SPAG16: variants seen among roughly 807,000 people sequenced by gnomAD.
The protein encoded by SPAG16 is sperm associated antigen 16, also known as sperm-associated antigen 16 protein.
SPAG16 carries 86 observed loss-of-function variants against 80.4 expected under a neutral mutation model. That is an observed-to-expected ratio of 1.07 (90% CI 0.90 to 1.28). SPAG16 has a LOEUF of 1.28. SPAG16 is among the 50% of genes most tolerant of loss of function. SPAG16 has a pLI of 0.00. For missense variants in SPAG16, 870 were observed against 765.3 expected, an observed-to-expected ratio of 1.14 and a Z score of -1.61; for synonymous variants, 294 against 265.9, an observed-to-expected ratio of 1.11 and a Z score of -1.03.
intron 15 of SPAG16, among the ~76,000 whole-genome samples, chr2:214,158,934 G>A (rs976604602): frequency 6.6e-6 from 1 of 151,926 alleles, no homozygotes; most frequent in Admixed American, 6.6e-5. Flanking sequence ...CATATTTAGT[G>A]AAGATATATG....
intron 13 of SPAG16, among the ~76,000 whole-genome samples, chr2:214,069,142 C>CA (rs2050668936): frequency 6.6e-6 from 1 of 152,082 alleles, no homozygotes. Flanking sequence ...AGATAAAATG[C>CA]AAAATCTTTG....
intron 11 of SPAG16, among the ~76,000 whole-genome samples, chr2:213,897,613 T>C (rs2077046824): frequency 1.1e-5 from 1 of 92,076 alleles, no homozygotes; most frequent in South Asian, 7.7e-4. Context: ...CTCATCTGCC[T>C]ATATTGGTCT....
chr2:213,360,425 G>A (rs1301256750), intron 7 of SPAG16, among the ~76,000 whole-genome samples: 1 of 152,162 alleles, frequency 6.6e-6, no homozygotes, highest in African/African-American at 2.4e-5. Flanking sequence ...TGGCCAAAGC[G>A]ACTGTCAAAT....
chr2:213,695,532 A>T (rs2065122561), intron 10 of SPAG16, among the ~76,000 whole-genome samples: 1 of 152,210 alleles, frequency 6.6e-6, no homozygotes, highest in African/African-American at 2.4e-5. Flanking sequence ...GAAAGGAGGT[A>T]ATCAGCTGTT....
intron 13 of SPAG16, among the ~76,000 whole-genome samples, chr2:214,039,178 A>G (rs570446953): frequency 7.0e-4 from 106 of 152,190 alleles, no homozygotes; most frequent in African/African-American, 2.4e-3. Context: ...AAGTGTTCCT[A>G]TTTCTCCACA....
At chr2:213,350,712 A>G in intron 7 of SPAG16, 67 bp downstream of exon 7, 3 of 856,564 alleles carry the variant, frequency 3.5e-6, no homozygotes, top group Non-Finnish European at 5.3e-6. Context: ...ACAAGTAGAA[A>G]TACTGATTTT....
At chr2:213,955,415 T>C (rs1431098732) in intron 12 of SPAG16, among the ~76,000 whole-genome samples, 1 of 152,206 alleles carries the variant, frequency 6.6e-6, no homozygotes, top group Non-Finnish European at 1.5e-5. Context: ...GTTCAAACTT[T>C]AGTTGAAAAG....
At chr2:213,931,398 T>C (rs146694482) in intron 12 of SPAG16, among the ~76,000 whole-genome samples, 1 of 152,344 alleles carries the variant, frequency 6.6e-6, no homozygotes, top group African/African-American at 2.4e-5. Context: ...ACTATTTATC[T>C]GGAATATCCA....
At chr2:213,379,196 T>A (rs1280866897) in intron 9 of SPAG16, among the ~76,000 whole-genome samples, 1 of 152,066 alleles carries the variant, frequency 6.6e-6, no homozygotes, top group Non-Finnish European at 1.5e-5. Flanking sequence ...TCACTAGGGG[T>A]GATGGTGAGT....
intron 14 of SPAG16, among the ~76,000 whole-genome samples, chr2:214,139,832 T>A (rs2055258686): frequency 6.6e-6 from 1 of 152,186 alleles, no homozygotes; most frequent in South Asian, 2.1e-4. Flanking sequence ...TAGCATAGCG[T>A]CACATGACAG....
chr2:213,399,325 G>C (rs2068201698), intron 9 of SPAG16, among the ~76,000 whole-genome samples: 1 of 152,064 alleles, frequency 6.6e-6, no homozygotes, highest in Non-Finnish European at 1.5e-5. Context: ...GTTTTACCAT[G>C]AGTATATTAA....
intron 15 of SPAG16, among the ~76,000 whole-genome samples, chr2:214,166,231 G>A (rs775111139): frequency 1.3e-5 from 2 of 152,126 alleles, no homozygotes; most frequent in African/African-American, 2.4e-5. Flanking sequence ...AGGATGCTGT[G>A]CTGCTCATTC....
At chr2:214,402,708 C>T (rs1701779825) in intron 15 of SPAG16, among the ~76,000 whole-genome samples, 2 of 151,450 alleles carry the variant, frequency 1.3e-5, no homozygotes, top group South Asian at 4.2e-4. Flanking sequence ...TTTTTTCTGC[C>T]CACTAAGGCA....
intron 10 of SPAG16, among the ~76,000 whole-genome samples, chr2:213,831,183 G>C (rs937832138): frequency 4.0e-5 from 6 of 151,532 alleles, no homozygotes; most frequent in African/African-American, 1.5e-4. Context: ...GGGATTACAA[G>C]CACTCACCAC....
chr2:214,015,242 C>T (rs2047526413), intron 13 of SPAG16, among the ~76,000 whole-genome samples: 1 of 152,144 alleles, frequency 6.6e-6, no homozygotes, highest in South Asian at 2.1e-4. Context: ...GGTCTCTTAT[C>T]AGGCTAAAAG....
chr2:213,490,159 C>T, intron 10 of SPAG16, 69 bp downstream of exon 10: 3 of 1,415,962 alleles, frequency 2.1e-6, no homozygotes, highest in South Asian at 2.9e-5. Context: ...AATGCTCTTA[C>T]AGCCATTCAT....
chr2:213,746,452 A>G (rs1438939113), intron 10 of SPAG16, among the ~76,000 whole-genome samples: 1 of 152,210 alleles, frequency 6.6e-6, no homozygotes, highest in Non-Finnish European at 1.5e-5. Context: ...GTGCAAGGCA[A>G]TACTCTGTGG....
chr2:214,148,160 G>T (rs113571644), intron 14 of SPAG16, among the ~76,000 whole-genome samples: 1 of 152,216 alleles, frequency 6.6e-6, no homozygotes, highest in African/African-American at 2.4e-5. Context: ...TTTGTGAGTG[G>T]ACAAAGAAAT....
Position 213,929,792 on chromosome 2 carries a change from A to G in SPAG16, c.1215-168A>G, listed in dbSNP as rs1438594643. Among the ~76,000 whole-genome samples the G allele has an allele frequency of 2.6e-5, 4 of 152,200 alleles. No homozygotes were observed. The South Asian group carries it at 6.2e-4, about 24-fold the overall frequency. On this transcript the variant is annotated intron_variant, in intron 11 of 15. Transcript: ENST00000331683. ...AATTACTAAGCAATTCAAGTTAGCA[A>G]TTGTGTAGACCCAAATAAGATAATA... is the stretch of plus-strand genomic sequence containing the variant.
Sources: gnomAD v4.1 joint callset for allele counts (sites outside exome capture counted in the v4.1 genomes callset) on GRCh38, gnomAD v4.1.1 for gene constraint, MANE v1.5 for transcripts, NCBI Gene and HGNC (gene_info 2026-07-23, HGNC 2026-07-21) for gene names.